Variants in KIAA1549 observed in about 807,000 individuals in gnomAD.
KIAA1549 encodes KIAA1549, also known as UPF0606 protein KIAA1549.
KIAA1549 carries 70 observed loss-of-function variants against 156.4 expected under a neutral mutation model. The observed-to-expected ratio is 0.45, with a 90% CI of 0.37 to 0.55. The LOEUF is 0.55. Among genes scored for constraint, KIAA1549 ranks in the 20% least tolerant of loss-of-function variants. The pLI is 0.00. For synonymous variants in KIAA1549, 1,103 were observed against 1,066.4 expected, an observed-to-expected ratio of 1.03 and a Z score of -0.67; for missense variants, 2,428 against 2,540.9, an observed-to-expected ratio of 0.96 and a Z score of 0.96.
In KIAA1549 at chr7:138,917,583, A is replaced by C. The variant is rs759083669; in HGVS notation, c.2043T>G (p.Ser681=). ...TTGTGGAACTGGGAAGAGACAGCTG[A>C]GATGACTGCAGATCACTAGAGTCAA... ...TLFDSSDLQS[S]QLSLPSSTNL... is the part of the protein sequence containing the mutation. Residue 681 remains serine (S), a synonymous_variant, in exon 2 of 20, where the codon TCT becomes TCG. Coordinates refer to ENST00000422774, the MANE Select transcript of KIAA1549 (RefSeq NM_001164665.2). 15 of 1,613,858 alleles carry C rather than the reference A, an allele frequency of 9.3e-6. No individual in the cohort carries two copies. The South Asian group carries it at 1.6e-4, about 18-fold the overall frequency.
intron 2 of KIAA1549, among the ~76,000 whole-genome samples, chr7:138,914,986 A>C (rs533226248): frequency 1.4e-4 from 21 of 152,312 alleles, no homozygotes; most frequent in African/African-American, 4.6e-4. Context: ...TGTAAGAAGG[A>C]AGAAAAGTAT....
At chr7:138,878,478 T>C (rs1299506403) in intron 12 of KIAA1549, among the ~76,000 whole-genome samples, 1 of 152,178 alleles carries the variant, frequency 6.6e-6, no homozygotes, top group Non-Finnish European at 1.5e-5. Flanking sequence ...AATAATATCC[T>C]GGCCGGGCGT....
rs1368248721 is a variant in KIAA1549 at position 138,881,570 on chromosome 7, A to C, written c.4047T>G (p.Ser1349Arg). ...IQQRQKLQIP[S>R]VKGFDFAKQH... ...GCTTAGCAAAATCGAAGCCCTTCACACTAGGGATCTGCAGCTGAAACATAC... is the reference window on the plus strand; with the variant it reads ...GCTTAGCAAAATCGAAGCCCTTCACCCTAGGGATCTGCAGCTGAAACATAC... The change falls in exon 11 of 20, where the codon AGT becomes AGG. Residue 1349 changes from serine (S) to arginine (R), a missense_variant. This residue lies in a region of KIAA1549 where 762 missense variants were observed against 901.6 expected (regional missense o/e 0.85). Transcript: ENST00000422774. 6.2e-7 allele frequency: 1 copy of C among 1,612,340 alleles called. No individual in the cohort carries two copies. The highest frequency in any genetic ancestry group is 1.3e-5 in the African/African-American group (1 of 74,834).
chr7:138,847,497 C>T (rs567337101), intron 17 of KIAA1549, among the ~76,000 whole-genome samples: 2 of 152,304 alleles, frequency 1.3e-5, no homozygotes, highest in African/African-American at 2.4e-5. Context: ...GGTGTGACTT[C>T]TGGTCACTGA....
At chr7:138,939,405 C>T (rs1457923903) in intron 1 of KIAA1549, among the ~76,000 whole-genome samples, 2 of 152,118 alleles carry the variant, frequency 1.3e-5, no homozygotes, top group African/African-American at 4.8e-5. Context: ...TACTTTATAA[C>T]AGTTTTCTCC....
chr7:138,972,619 C>T (rs1489818125), intron 1 of KIAA1549, among the ~76,000 whole-genome samples: 1 of 151,962 alleles, frequency 6.6e-6, no homozygotes, highest in Non-Finnish European at 1.5e-5. Context: ...GGTGGGTTCC[C>T]TAACATCACC....
intron 6 of KIAA1549, 36 bp downstream of exon 6, chr7:138,906,883 T>C (rs757859931): frequency 7.3e-7 from 1 of 1,371,902 alleles, no homozygotes; most frequent in Non-Finnish European, 9.5e-7. Flanking sequence ...ATGCCCGCCA[T>C]CACCTCCCCA....
At chr7:138,944,243 A>G (rs1256008973) in intron 1 of KIAA1549, among the ~76,000 whole-genome samples, 1 of 152,008 alleles carries the variant, frequency 6.6e-6, no homozygotes, top group Non-Finnish European at 1.5e-5. Flanking sequence ...CCCCCACACT[A>G]CCCCAGCATC....
intron 2 of KIAA1549, among the ~76,000 whole-genome samples, chr7:138,913,711 G>A (rs1019132821): frequency 6.6e-6 from 1 of 152,022 alleles, no homozygotes; most frequent in Admixed American, 6.5e-5. Context: ...ATTAGTTTAT[G>A]AGACCACTGG....
chr7:138,951,773 GA>G (rs1187855171), intron 1 of KIAA1549, among the ~76,000 whole-genome samples: 1 of 152,136 alleles, frequency 6.6e-6, no homozygotes, highest in African/African-American at 2.4e-5. Flanking sequence ...ATCATGATGA[GA>G]AAACTATACA....
intron 1 of KIAA1549, among the ~76,000 whole-genome samples, chr7:138,966,528 G>A (rs758000144): frequency 1.2e-4 from 18 of 152,066 alleles, no homozygotes; most frequent in Non-Finnish European, 2.2e-4. Flanking sequence ...CCTGAAGTTC[G>A]ATGTTCAAGG....
intron 1 of KIAA1549, among the ~76,000 whole-genome samples, chr7:138,938,545 G>C (rs1195697629): frequency 6.6e-6 from 1 of 152,112 alleles, no homozygotes; most frequent in African/African-American, 2.4e-5. Flanking sequence ...CGGTTTATTT[G>C]AGGGTTCTGT....
intron 9 of KIAA1549, among the ~76,000 whole-genome samples, chr7:138,896,439 G>C (rs1811686069): frequency 6.6e-6 from 1 of 152,154 alleles, no homozygotes; most frequent in South Asian, 2.1e-4. Context: ...AAGCAACAAA[G>C]TGAAAAACTT....
chr7:138,973,201 C>G (rs1223109722), intron 1 of KIAA1549, among the ~76,000 whole-genome samples: 1 of 152,220 alleles, frequency 6.6e-6, no homozygotes, highest in Non-Finnish European at 1.5e-5. Context: ...TTCCACCAAC[C>G]CTCCTGCCAC....
chr7:138,978,629 G>C (rs1814451401), intron 1 of KIAA1549, among the ~76,000 whole-genome samples: 1 of 152,236 alleles, frequency 6.6e-6, no homozygotes, highest in Non-Finnish European at 1.5e-5. Flanking sequence ...AGAGAAGCCA[G>C]CTGAAGGAGG....
At position 138,835,844 on chromosome 7, in the gene KIAA1549, GC is replaced by G. The variant is rs1197273307; in HGVS notation, c.*2061del. 1 of 221,296 alleles carries G rather than the reference GC, an allele frequency of 4.5e-6. No homozygotes were observed. Among genetic ancestry groups the G allele is most frequent in the Non-Finnish European group, 9.0e-6 (1 of 110,672 alleles). The allele number at this position is 221,296 out of a possible 1,614,324, so 13.7% of individuals were successfully genotyped here. On this transcript the variant is annotated 3_prime_UTR_variant, in exon 20 of 20. Coordinates refer to ENST00000422774, the MANE Select transcript of KIAA1549 (RefSeq NM_001164665.2). ...ATGCTCCTTGGAGCCTCTGAGGATC[GC>G]CTGATAAGATGCTGCTGGTCCTTTG... is the stretch of plus-strand genomic sequence containing the variant.
At chr7:138,916,710 T>C (rs771488998) in intron 2 of KIAA1549, 38 bp downstream of exon 2, 1 of 1,607,354 alleles carries the variant, frequency 6.2e-7, no homozygotes, top group African/African-American at 1.3e-5. Context: ...TTAGAAAGAT[T>C]GCCCACCCCA....
At chr7:138,892,889 T>G (rs187935160) in intron 10 of KIAA1549, among the ~76,000 whole-genome samples, 5 of 152,346 alleles carry the variant, frequency 3.3e-5, no homozygotes, top group Non-Finnish European at 2.9e-5. Flanking sequence ...CTTGTTTTTA[T>G]CAAGCTTTTA....
At chr7:138,855,114 AG>A (rs762473419) in intron 16 of KIAA1549, among the ~76,000 whole-genome samples, 33 of 152,110 alleles carry the variant, frequency 2.2e-4, no homozygotes, top group Non-Finnish European at 3.7e-4. Flanking sequence ...AAGGGGAGGG[AG>A]GGGGAATCAG....
Sources: gnomAD v4.1 joint callset for allele counts (sites outside exome capture counted in the v4.1 genomes callset) on GRCh38, gnomAD v4.1.1 for gene constraint, gnomAD v4.1.1 regional missense constraint, MANE v1.5 for transcripts, NCBI Gene and HGNC (gene_info 2026-07-23, HGNC 2026-07-21) for gene names.